COP1: variants seen among roughly 807,000 people sequenced by gnomAD.
The protein encoded by COP1 is COP1 E3 ubiquitin ligase.
In COP1, 24 loss-of-function variants were observed where a neutral mutation model predicts 101.3. The observed-to-expected ratio is 0.24, with a 90% CI of 0.17 to 0.33. The LOEUF is 0.33. COP1 is among the 10% of genes least tolerant of loss of function. The probability of loss-of-function intolerance (pLI) is 1.00; values close to 1 mark genes in which losing one functional copy is unlikely to be tolerated. For synonymous variants in COP1, 347 were observed against 341.9 expected (o/e 1.01, Z -0.17); for missense variants, 663 against 906.2 (o/e 0.73, Z 3.45).
chr1:176,165,729 T>G (rs1024089337), intron 3 of COP1, among the ~76,000 whole-genome samples: 7 of 151,906 alleles, frequency 4.6e-5, no homozygotes, highest in African/African-American at 1.7e-4. Context: ...AAAATCAATA[T>G]AGCTAAAACA....
chr1:176,013,401 T>C (rs1392618129), intron 15 of COP1, among the ~76,000 whole-genome samples: 2 of 152,192 alleles, frequency 1.3e-5, no homozygotes, highest in East Asian at 3.8e-4. Flanking sequence ...TTTAAAATTT[T>C]CCATTTGCTC....
At chr1:175,951,437 A>AATAT (rs765055146) in intron 18 of COP1, among the ~76,000 whole-genome samples, 6,884 of 107,924 alleles carry the variant, frequency 0.064, 624 homozygotes, top group African/African-American at 0.082. Flanking sequence ...AAGATACGTG[A>AATAT]ATATATATAT....
intron 18 of COP1, among the ~76,000 whole-genome samples, chr1:175,974,833 G>A (rs1464203348): frequency 2.7e-5 from 4 of 148,170 alleles, no homozygotes; most frequent in African/African-American, 1.0e-4. Context: ...AGGAGTTTGA[G>A]ACCAGTCTGA....
At chr1:175,957,573 T>C (rs1650829142) in intron 18 of COP1, among the ~76,000 whole-genome samples, 1 of 152,184 alleles carries the variant, frequency 6.6e-6, no homozygotes, top group South Asian at 2.1e-4. Flanking sequence ...CGTATCCCCA[T>C]TGTTAAGTGA....
At chr1:176,035,303 G>C (rs928561151) in intron 14 of COP1, among the ~76,000 whole-genome samples, 1 of 151,348 alleles carries the variant, frequency 6.6e-6, no homozygotes, top group African/African-American at 2.4e-5. Context: ...AAATGGAGAT[G>C]ACAGATGAAG....
chr1:176,098,427 T>C (rs1256928874), intron 9 of COP1, among the ~76,000 whole-genome samples: 1 of 152,104 alleles, frequency 6.6e-6, no homozygotes, highest in Non-Finnish European at 1.5e-5. Flanking sequence ...CTGAATTAGA[T>C]AAGATAAAGC....
At chr1:176,041,836 A>G (rs1256962039) in intron 14 of COP1, among the ~76,000 whole-genome samples, 1 of 151,978 alleles carries the variant, frequency 6.6e-6, no homozygotes, top group African/African-American at 2.4e-5. Context: ...GGGTGAAGCC[A>G]GGTGCAGTGG....
At chr1:176,105,976 C>T (rs1246211614) in intron 9 of COP1, among the ~76,000 whole-genome samples, 1 of 152,136 alleles carries the variant, frequency 6.6e-6, no homozygotes, top group Non-Finnish European at 1.5e-5. Context: ...CATTACTGGG[C>T]ACAGGCTTAA....
intron 1 of COP1, among the ~76,000 whole-genome samples, chr1:176,196,493 A>T (rs1334743383): frequency 1.3e-5 from 2 of 152,230 alleles, no homozygotes; most frequent in Non-Finnish European, 2.9e-5. Context: ...TAAATTCAGC[A>T]ACACGGGTGT....
intron 15 of COP1, among the ~76,000 whole-genome samples, chr1:176,005,592 C>T (rs1450898046): frequency 3.3e-5 from 5 of 152,026 alleles, no homozygotes; most frequent in African/African-American, 7.3e-5. Flanking sequence ...TTTATTTCTG[C>T]CTTCATTTCG....
Position 176,206,781 on chromosome 1 carries a change from C to A in COP1, c.198G>T (p.Arg66=). The change falls in exon 1 of 20, where the codon CGG becomes CGT. Residue 66 remains arginine, a synonymous_variant. Coordinates refer to ENST00000367669, the MANE Select transcript of COP1 (RefSeq NM_022457.7). ...ATACGGCGGGCGCCACCAACACAGG[C>A]CGCACCGGGCCCCCGAGGCCGCCCG... is the stretch of plus-strand genomic sequence containing the variant. The part of the protein sequence containing the change: ...AGSGGLGGPV[R]PVLVAPAVSG... 1 of 1,412,102 alleles carries A rather than the reference C, an allele frequency of 7.1e-7. No individual in the cohort carries two copies. The highest frequency in any genetic ancestry group is 9.1e-7 in the Non-Finnish European group (1 of 1,093,770). 87.5% of individuals were successfully genotyped at this position (1,412,102 alleles called of 1,614,324 possible).
intron 5 of COP1, among the ~76,000 whole-genome samples, chr1:176,155,725 C>G (rs1225725683): frequency 6.6e-6 from 1 of 151,900 alleles, no homozygotes; most frequent in East Asian, 1.9e-4. Context: ...AGTCAAATTG[C>G]TGAAAACCAA....
chr1:176,168,507 AGG>A (rs759678856), intron 3 of COP1, among the ~76,000 whole-genome samples: 1 of 1,942 alleles, frequency 5.1e-4, no homozygotes, highest in Non-Finnish European at 3.0e-3. Flanking sequence ...GAAGGAAGGG[AGG>A]GAGGGAGGGA....
At chr1:176,047,228 C>G (rs1671676127) in intron 11 of COP1, among the ~76,000 whole-genome samples, 1 of 152,164 alleles carries the variant, frequency 6.6e-6, no homozygotes, top group Non-Finnish European at 1.5e-5. Flanking sequence ...TCTCACTGAT[C>G]TACAATTAAT....
chr1:176,047,533 G>T (rs552984519), intron 11 of COP1, among the ~76,000 whole-genome samples: 43 of 151,468 alleles, frequency 2.8e-4, no homozygotes, highest in African/African-American at 1.0e-3. Context: ...AAGGCTAAAG[G>T]TTTAAAGGTT....
At chr1:176,203,970 G>A (rs899190081) in intron 1 of COP1, among the ~76,000 whole-genome samples, 1 of 152,204 alleles carries the variant, frequency 6.6e-6, no homozygotes, top group African/African-American at 2.4e-5. Context: ...TTCTTGGGAT[G>A]TGGGCAGGTA....
intron 17 of COP1, 60 bp downstream of exon 17, chr1:175,988,228 A>G: frequency 6.7e-7 from 1 of 1,493,346 alleles, no homozygotes; most frequent in Non-Finnish European, 9.1e-7. Context: ...ATTTCCACTG[A>G]GTTCAATTTC....
At chr1:176,065,056 A>G (rs940633954) in intron 11 of COP1, among the ~76,000 whole-genome samples, 33 of 152,212 alleles carry the variant, frequency 2.2e-4, no homozygotes, top group Non-Finnish European at 4.0e-4. Flanking sequence ...AGTTGTACGT[A>G]AGTCAATAGC....
intron 15 of COP1, among the ~76,000 whole-genome samples, chr1:176,020,166 C>A (rs1401377686): frequency 1.3e-5 from 2 of 151,546 alleles, no homozygotes; most frequent in African/African-American, 2.4e-5. Flanking sequence ...CAAAAATTAG[C>A]CAGGCATGGT....
Sources: gnomAD v4.1 joint callset for allele counts (sites outside exome capture counted in the v4.1 genomes callset) on GRCh38, gnomAD v4.1.1 for gene constraint, MANE v1.5 for transcripts, NCBI Gene and HGNC (gene_info 2026-07-23, HGNC 2026-07-21) for gene names.